Variants in LDLRAD3 observed in about 807,000 individuals in gnomAD.
LDLRAD3 encodes low density lipoprotein receptor class A domain containing 3.
LDLRAD3 carries 20 observed loss-of-function variants against 29.4 expected under a neutral mutation model. That is an observed-to-expected ratio of 0.68 (90% CI 0.48 to 0.99). The LOEUF is 0.99. Among genes scored for constraint, LDLRAD3 ranks in the 50% least tolerant of loss-of-function variants. LDLRAD3 has a pLI of 0.00. For synonymous variants in LDLRAD3, 157 were observed against 192.7 expected (o/e 0.81, Z 1.53); for missense variants, 420 against 454.3 (o/e 0.92, Z 0.69).
At chr11:36,166,400 G>A (rs925554712) in intron 4 of LDLRAD3, among the ~76,000 whole-genome samples, 2 of 152,174 alleles carry the variant, frequency 1.3e-5, no homozygotes, top group African/African-American at 2.4e-5. Flanking sequence ...GGACTCTGGA[G>A]GGTGGAAATG....
At chr11:36,109,232 G>A (rs1359703481) in intron 4 of LDLRAD3, among the ~76,000 whole-genome samples, 8 of 152,150 alleles carry the variant, frequency 5.3e-5, no homozygotes, top group Admixed American at 4.6e-4. Flanking sequence ...GTCATGGACG[G>A]GGGAAGAACA....
intron 4 of LDLRAD3, among the ~76,000 whole-genome samples, chr11:36,150,347 GTGAGACC>G (rs1321385416): frequency 1.3e-5 from 2 of 152,006 alleles, no homozygotes; most frequent in African/African-American, 4.8e-5. Flanking sequence ...GGGCAACAAA[GTGAGACC>G]TCATCTCTAC....
At chr11:36,083,759 C>G (rs201746720) in intron 3 of LDLRAD3, among the ~76,000 whole-genome samples, 2 of 151,404 alleles carry the variant, frequency 1.3e-5, no homozygotes, top group African/African-American at 4.9e-5. Flanking sequence ...CACACACACA[C>G]ACACACACAC....
chr11:36,182,740 T>C (rs12785650), intron 4 of LDLRAD3, among the ~76,000 whole-genome samples: 6,028 of 152,246 alleles, frequency 0.04, 394 homozygotes, highest in African/African-American at 0.13. Flanking sequence ...AGACCCCTAA[T>C]AGTGCATGCT....
chr11:36,081,902 C>T, intron 3 of LDLRAD3, 124 bp downstream of exon 3: 1 of 1,155,370 alleles, frequency 8.7e-7, no homozygotes, highest in Non-Finnish European at 1.2e-6. Context: ...CTTCTGTTAC[C>T]CAGATTCTGT....
intron 1 of LDLRAD3, among the ~76,000 whole-genome samples, chr11:36,029,042 A>C (rs1852202489): frequency 6.6e-6 from 1 of 152,208 alleles, no homozygotes; most frequent in African/African-American, 2.4e-5. Context: ...CAGGAGATCG[A>C]GACCATCCTG....
At chr11:36,179,819 C>T (rs1854730868) in intron 4 of LDLRAD3, among the ~76,000 whole-genome samples, 1 of 151,948 alleles carries the variant, frequency 6.6e-6, no homozygotes, top group Non-Finnish European at 1.5e-5. Context: ...ACAGGGAGAC[C>T]CCCATCTGTA....
At chr11:36,099,219 G>A (rs1170681624) in intron 4 of LDLRAD3, among the ~76,000 whole-genome samples, 1 of 152,152 alleles carries the variant, frequency 6.6e-6, no homozygotes, top group Non-Finnish European at 1.5e-5. Context: ...GATGAGCTTT[G>A]TTAGGGAGTC....
At chr11:36,081,058 G>A (rs1364763546) in intron 2 of LDLRAD3, among the ~76,000 whole-genome samples, 3 of 152,186 alleles carry the variant, frequency 2.0e-5, no homozygotes, top group Non-Finnish European at 4.4e-5. Flanking sequence ...ACTCTTGTTA[G>A]GTAGGGTGGT....
chr11:36,014,741 T>C (rs1484598078), intron 1 of LDLRAD3, among the ~76,000 whole-genome samples: 2 of 152,256 alleles, frequency 1.3e-5, no homozygotes, highest in Non-Finnish European at 2.9e-5. Context: ...CTCCCTTGGC[T>C]GCAGGCAGAA....
At chr11:36,194,938 G>A (rs966062974) in intron 4 of LDLRAD3, among the ~76,000 whole-genome samples, 3 of 152,172 alleles carry the variant, frequency 2.0e-5, no homozygotes, top group Non-Finnish European at 4.4e-5. Flanking sequence ...ATAATTAACA[G>A]AATGGGCTCT....
chr11:36,036,669 A>G (rs1006301205), intron 2 of LDLRAD3, among the ~76,000 whole-genome samples: 1 of 152,180 alleles, frequency 6.6e-6, no homozygotes, highest in Non-Finnish European at 1.5e-5. Context: ...CTTACAGAGC[A>G]CCGTGGAATT....
At chr11:35,967,054 C>A in intron 1 of LDLRAD3, 1 of 205,544 alleles carries the variant, frequency 4.9e-6, no homozygotes. Context: ...GAAGACCTTG[C>A]ACTCTTTCCT....
chr11:35,991,150 T>C (rs1056925558), intron 1 of LDLRAD3, among the ~76,000 whole-genome samples: 4 of 152,262 alleles, frequency 2.6e-5, no homozygotes, highest in Admixed American at 6.5e-5. Flanking sequence ...TGCAGCATGA[T>C]GCTCTTCTAG....
At chr11:35,958,673 T>C (rs1156945069) in intron 1 of LDLRAD3, among the ~76,000 whole-genome samples, 1 of 152,150 alleles carries the variant, frequency 6.6e-6, no homozygotes, top group Non-Finnish European at 1.5e-5. Flanking sequence ...TGGATCTTCT[T>C]TTCTTCCAAT....
At chr11:36,150,453 A>T (rs1043303245) in intron 4 of LDLRAD3, among the ~76,000 whole-genome samples, 2 of 152,038 alleles carry the variant, frequency 1.3e-5, no homozygotes, top group Non-Finnish European at 2.9e-5. Context: ...ACTTGCACCC[A>T]GGAGTCCCAG....
chr11:36,224,300 A>G (rs1018969499), intron 4 of LDLRAD3, among the ~76,000 whole-genome samples: 3 of 152,054 alleles, frequency 2.0e-5, no homozygotes, highest in Non-Finnish European at 4.4e-5. Flanking sequence ...GGCTTCTAAG[A>G]GTTAAGTGAC....
At chr11:36,137,527 A>G (rs1050582309) in intron 4 of LDLRAD3, among the ~76,000 whole-genome samples, 3 of 152,244 alleles carry the variant, frequency 2.0e-5, no homozygotes, top group Admixed American at 2.0e-4. Context: ...ACAGTGTAAT[A>G]GCAACATGCC....
At chr11:35,955,184 G>T (rs1565121816) in intron 1 of LDLRAD3, among the ~76,000 whole-genome samples, 1 of 152,236 alleles carries the variant, frequency 6.6e-6, no homozygotes, top group Non-Finnish European at 1.5e-5. Flanking sequence ...GGTGGAGGTT[G>T]TAATGAGCTG....
Sources: allele counts gnomAD v4.1 joint callset (sites outside exome capture counted in the v4.1 genomes callset), GRCh38; gene constraint gnomAD v4.1.1; transcripts MANE v1.5; gene names NCBI Gene and HGNC (gene_info 2026-07-23, HGNC 2026-07-21).